LARS2: variants seen among roughly 807,000 people sequenced by gnomAD.
The protein encoded by LARS2 is leucine--tRNA ligase, mitochondrial.
Under a neutral mutation model 116.6 loss-of-function variants are expected in LARS2, and 81 were observed. That is an observed-to-expected ratio of 0.69 (90% confidence interval 0.58 to 0.84). The LOEUF is 0.84. LARS2 is among the 40% of genes least tolerant of loss of function. The pLI, the probability that LARS2 is intolerant of heterozygous loss-of-function variation, is 0.00. For missense variants in LARS2, 968 were observed against 1,114.5 expected (o/e 0.87, Z 1.87); for synonymous variants, 396 against 407.2 (o/e 0.97, Z 0.33).
chr3:45,469,809 A>G (rs1699490131), intron 8 of LARS2, among the ~76,000 whole-genome samples: 1 of 151,978 alleles, frequency 6.6e-6, no homozygotes, highest in Non-Finnish European at 1.5e-5. Context: ...TTAATTATAT[A>G]TTGTGCCTCC....
chr3:45,506,045 C>T (rs895164578), intron 15 of LARS2, among the ~76,000 whole-genome samples: 5 of 152,050 alleles, frequency 3.3e-5, no homozygotes, highest in African/African-American at 1.2e-4. Flanking sequence ...GCTTTACCAT[C>T]AACATTAAGG....
At chr3:45,449,838 G>A (rs1019535843) in intron 7 of LARS2, among the ~76,000 whole-genome samples, 1 of 152,176 alleles carries the variant, frequency 6.6e-6, no homozygotes, top group African/African-American at 2.4e-5. Context: ...TGAACATTTA[G>A]GAATAGTATT....
rs1305784497 is a variant in LARS2, at chr3:45,547,756, G to T, written c.*226G>T. On this transcript the variant is annotated 3_prime_UTR_variant, in exon 22 of 22. Transcript: ENST00000645846. Reference sequence around the variant, plus strand: ...GAGAAATATGAGCTACTGAGGAGGGGGTTGGACATCCTGCCCCTCACCCCC... The same window carrying T: ...GAGAAATATGAGCTACTGAGGAGGGTGTTGGACATCCTGCCCCTCACCCCC... 6.6e-6 allele frequency: 3 copies of T among 455,160 alleles called. No individual in the cohort carries two copies. Among genetic ancestry groups the T allele is most frequent in the Non-Finnish European group, 1.2e-5 (3 of 258,412 alleles). 28.2% of individuals were successfully genotyped at this position (455,160 alleles called of 1,614,324 possible).
chr3:45,438,848 A>C (rs1442562956), intron 6 of LARS2, among the ~76,000 whole-genome samples: 2 of 151,886 alleles, frequency 1.3e-5, no homozygotes, highest in Admixed American at 1.3e-4. Flanking sequence ...AAAACAAAAC[A>C]AAACAAAGAA....
At chr3:45,408,373 A>G (rs545259979) in intron 4 of LARS2, among the ~76,000 whole-genome samples, 1 of 152,344 alleles carries the variant, frequency 6.6e-6, no homozygotes, top group East Asian at 1.9e-4. Context: ...TTCCATGGTA[A>G]CAGCTGGCCC....
intron 4 of LARS2, among the ~76,000 whole-genome samples, chr3:45,408,844 G>A (rs889321525): frequency 6.6e-6 from 1 of 152,176 alleles, no homozygotes. Context: ...TTAGTTAAAC[G>A]AACCAGGTGG....
At chr3:45,428,165 G>T (rs548289702) in intron 6 of LARS2, among the ~76,000 whole-genome samples, 1 of 150,650 alleles carries the variant, frequency 6.6e-6, no homozygotes. Flanking sequence ...TATGTGTTTG[G>T]GTTTTTTGGT....
chr3:45,406,103 G>A (rs576734887), intron 4 of LARS2, among the ~76,000 whole-genome samples: 4 of 152,250 alleles, frequency 2.6e-5, no homozygotes, highest in East Asian at 1.9e-4. Context: ...AATTATTGAT[G>A]TAAAAGTATA....
At chr3:45,538,619 A>C (rs1023168738) in intron 20 of LARS2, among the ~76,000 whole-genome samples, 6 of 152,232 alleles carry the variant, frequency 3.9e-5, no homozygotes, top group African/African-American at 1.4e-4. Context: ...GGGCAGCAGG[A>C]ATCTGTCTTT....
intron 19 of LARS2, among the ~76,000 whole-genome samples, chr3:45,522,545 A>T (rs1274999021): frequency 6.6e-6 from 1 of 152,240 alleles, no homozygotes; most frequent in African/African-American, 2.4e-5. Context: ...AACCTGCTCA[A>T]CATGGTGAAA....
intron 6 of LARS2, among the ~76,000 whole-genome samples, chr3:45,438,924 A>G (rs1366241611): frequency 2.6e-5 from 4 of 152,134 alleles, no homozygotes; most frequent in Admixed American, 2.0e-4. Flanking sequence ...AATGTGTCCT[A>G]TCATTTGTAA....
chr3:45,403,933 C>T (rs1249862885), intron 4 of LARS2, among the ~76,000 whole-genome samples: 1 of 152,150 alleles, frequency 6.6e-6, no homozygotes. Flanking sequence ...TACTTTATTC[C>T]TCACAGGGTT....
At chr3:45,476,419 C>A in intron 9 of LARS2, 49 bp from the exon 10 acceptor site, 1 of 1,600,194 alleles carries the variant, frequency 6.2e-7, no homozygotes, top group Non-Finnish European at 8.6e-7. Flanking sequence ...AGCAACACAG[C>A]CCAAAGGGAG....
chr3:45,516,036 T>C (rs1700364971), intron 16 of LARS2, 58 bp from the exon 17 acceptor site: 2 of 1,395,236 alleles, frequency 1.4e-6, no homozygotes, highest in South Asian at 2.6e-5. Flanking sequence ...TGATGCTATT[T>C]CTATAGAAGC....
At chr3:45,421,001 CAA>C (rs1184213331) in intron 6 of LARS2, among the ~76,000 whole-genome samples, 1 of 152,140 alleles carries the variant, frequency 6.6e-6, no homozygotes, top group African/African-American at 2.4e-5. Flanking sequence ...AAGTTCAAAT[CAA>C]TATGCATATA....
chr3:45,415,897 A>G (rs144905875), intron 4 of LARS2, among the ~76,000 whole-genome samples: 51,033 of 101,964 alleles, frequency 0.5, 10,836 homozygotes, highest in Non-Finnish European at 0.59. Flanking sequence ...AGAGAGGGAG[A>G]GAGAGAGAGA....
intron 4 of LARS2, among the ~76,000 whole-genome samples, chr3:45,404,478 G>A (rs2125678255): frequency 6.6e-6 from 1 of 152,236 alleles, no homozygotes; most frequent in Middle Eastern, 3.4e-3. Context: ...GTCAGGATTG[G>A]TCCCTGAGAT....
chr3:45,408,040 G>A (rs778287704), intron 4 of LARS2, among the ~76,000 whole-genome samples: 4 of 152,126 alleles, frequency 2.6e-5, no homozygotes, highest in Admixed American at 6.5e-5. Flanking sequence ...TAAGTCTGTA[G>A]TCCCCTTTGG....
chr3:45,533,201 A>AGT (rs1700646246), intron 20 of LARS2, among the ~76,000 whole-genome samples: 1 of 109,778 alleles, frequency 9.1e-6, no homozygotes, highest in South Asian at 3.4e-4. Flanking sequence ...CCCAGGCTGG[A>AGT]GTGCAGTGGC....
Sources: gnomAD v4.1 joint callset for allele counts (sites outside exome capture counted in the v4.1 genomes callset) on GRCh38, gnomAD v4.1.1 for gene constraint, MANE v1.5 for transcripts, NCBI Gene and HGNC (gene_info 2026-07-23, HGNC 2026-07-21) for gene names.